ARF4: variants seen among roughly 807,000 people sequenced by gnomAD.
The protein encoded by ARF4 is ADP-ribosylation factor 4.
A neutral mutation model predicts 24.3 loss-of-function variants in ARF4; 5 were observed. The observed-to-expected ratio is 0.21, with a 90% CI of 0.11 to 0.43. ARF4 has a LOEUF of 0.43. Among genes scored for constraint, ARF4 ranks in the 20% least tolerant of loss-of-function variants. The pLI is 1.00. For missense variants in ARF4, 107 were observed against 213.0 expected (o/e 0.50, Z 3.10); for synonymous variants, 62 against 73.5 (o/e 0.84, Z 0.80).
In ARF4 at chr3:57,582,392, G is replaced by A. The variant is rs547873226; in HGVS notation, c.258+1506C>T. Among the ~76,000 whole-genome samples, 617 of 151,556 alleles carry A rather than the reference G, an allele frequency of 4.1e-3. 1 individual carries two copies. Among genetic ancestry groups the A allele is most frequent in the Middle Eastern group, 6.8e-3 (2 of 294 alleles). Reference sequence around the variant, plus strand: ...TGAGTAGCTGGGATCACAGGTGCGCGCCACCACGCCCGGCTAATTTTTGTA... The same window carrying A: ...TGAGTAGCTGGGATCACAGGTGCGCACCACCACGCCCGGCTAATTTTTGTA... On this transcript the variant is annotated intron_variant, in intron 3 of 5. Transcript: ENST00000303436.
intron 1 of ARF4, among the ~76,000 whole-genome samples, chr3:57,590,677 T>C (rs1035610004): frequency 2.0e-5 from 3 of 152,148 alleles, no homozygotes; most frequent in African/African-American, 7.2e-5. Flanking sequence ...TGTGTGTACA[T>C]ATATATACAT....
At chr3:57,576,188 T>C (rs900914404) in intron 4 of ARF4, among the ~76,000 whole-genome samples, 2 of 152,168 alleles carry the variant, frequency 1.3e-5, no homozygotes, top group South Asian at 2.1e-4. Flanking sequence ...TGATGCAATA[T>C]AGACGAACCC....
At chr3:57,572,390 C>G in intron 5 of ARF4, 92 bp from the exon 6 acceptor site, 1 of 948,490 alleles carries the variant, frequency 1.1e-6, no homozygotes, top group Non-Finnish European at 1.6e-6. Context: ...AGAGTCTTTT[C>G]ACACCTCTTG....
chr3:57,579,317 C>CT (rs1037351821), intron 3 of ARF4, among the ~76,000 whole-genome samples: 3 of 142,216 alleles, frequency 2.1e-5, no homozygotes, highest in Non-Finnish European at 3.1e-5. Flanking sequence ...TATACTATAT[C>CT]TTTTTTTTCA....
chr3:57,573,736 C>G (rs915986845), intron 5 of ARF4, among the ~76,000 whole-genome samples: 3 of 152,090 alleles, frequency 2.0e-5, no homozygotes, highest in Non-Finnish European at 2.9e-5. Flanking sequence ...CATGCACCAC[C>G]ACGACCAGCT....
At chr3:57,575,430 G>T (rs536459530) in intron 5 of ARF4, 118 bp downstream of exon 5, 36 of 974,664 alleles carry the variant, frequency 3.7e-5, no homozygotes, top group East Asian at 3.5e-4. Flanking sequence ...TTAAATAAAT[G>T]ATGTGCTCAT....
At chr3:57,579,761 T>A (rs1237712088) in intron 3 of ARF4, among the ~76,000 whole-genome samples, 1 of 152,148 alleles carries the variant, frequency 6.6e-6, no homozygotes, top group Non-Finnish European at 1.5e-5. Flanking sequence ...TAAATTTTAT[T>A]TTACACTGCA....
rs1050515410 is a variant in ARF4 at position 57,575,736 on chromosome 3, C to G, written c.331-63G>C. 24 of 1,501,470 alleles carry G rather than the reference C, an allele frequency of 1.6e-5. No individual in the cohort carries two copies. The East Asian group carries it at 5.6e-4, about 35-fold the overall frequency. The allele number at this position is 1,501,470 out of a possible 1,614,324, so 93.0% of individuals were successfully genotyped here. A position where few individuals can be genotyped will look rare whatever the true frequency, so the allele number is the denominator to read the frequency against. The stretch of plus-strand genomic sequence containing the variant: ...GGAATCCAATTTTTGAAAATGTCTT[C>G]CTATATATACTTTACTCAGCATTAA... On this transcript the variant is annotated intron_variant, in intron 4 of 5. Transcript: ENST00000303436.
chr3:57,579,341 G>A (rs552394546), intron 3 of ARF4, among the ~76,000 whole-genome samples: 15 of 150,882 alleles, frequency 9.9e-5, no homozygotes, highest in South Asian at 2.1e-4. Context: ...AGGCTGGAGT[G>A]CAGTGGTGCC....
intron 1 of ARF4, among the ~76,000 whole-genome samples, chr3:57,591,634 T>G (rs774958736): frequency 6.6e-6 from 1 of 152,216 alleles, no homozygotes; most frequent in Non-Finnish European, 1.5e-5. Context: ...ACCCGGCTAA[T>G]TTTTGTATTT....
Position 57,584,164 on chromosome 3 carries a change from T to G in ARF4, c.149-157A>C, listed in dbSNP as rs2070008641. 1.4e-5 allele frequency: 10 copies of G among 698,772 alleles called. No homozygotes were observed. The South Asian group carries it at 1.6e-4, about 11-fold the overall frequency. 43.3% of individuals were successfully genotyped at this position (698,772 alleles called of 1,614,324 possible). A position where few individuals can be genotyped will look rare whatever the true frequency, so the allele number is the denominator to read the frequency against. ...CATCAACAGAGACAAGGCCTCATTA[T>G]GTTATGCAGGCTGGTCTTGAACTCC... On this transcript the variant is annotated intron_variant, in intron 2 of 5. Coordinates refer to ENST00000303436, the MANE Select transcript of ARF4 (RefSeq NM_001660.4).
At chr3:57,584,276 C>T in intron 2 of ARF4, 108 bp downstream of exon 2, 1 of 1,111,116 alleles carries the variant, frequency 9.0e-7, no homozygotes, top group South Asian at 1.4e-5. Flanking sequence ...TTTAAAAGTA[C>T]TTCTAAGATA....
intron 1 of ARF4, chr3:57,596,661 A>G: frequency 5.4e-6 from 1 of 186,236 alleles, no homozygotes; most frequent in Non-Finnish European, 1.1e-5. Flanking sequence ...AGGGGAGGGA[A>G]AAGGCTGGAG....
At chr3:57,583,800 A>G in intron 3 of ARF4, 98 bp downstream of exon 3, 2 of 835,666 alleles carry the variant, frequency 2.4e-6, no homozygotes, top group Non-Finnish European at 3.9e-6. Context: ...GCCAACTCAT[A>G]GTAAACACCA....
chr3:57,575,532 A>G lies in ARF4; in HGVS notation c.456+16T>C, dbSNP rs371115651. On this transcript the variant is annotated intron_variant, in intron 5 of 5. Transcript: ENST00000303436. ...CTTAATAGTCAAGAGGTTAATATCA[A>G]CCTCCAAATACTTACTGTTCTGTTA... 4.6e-5 allele frequency: 73 copies of G among 1,602,654 alleles called. No homozygotes were observed. The African/African-American group carries it at 7.5e-4, about 17-fold the overall frequency.
chr3:57,596,293 G>T (rs186800453), intron 1 of ARF4, among the ~76,000 whole-genome samples: 1 of 152,088 alleles, frequency 6.6e-6, no homozygotes, highest in Non-Finnish European at 1.5e-5. Context: ...AAATTTATCA[G>T]GTATTTTTTA....
chr3:57,585,957 C>T (rs1276526622), intron 1 of ARF4, among the ~76,000 whole-genome samples: 2 of 151,896 alleles, frequency 1.3e-5, no homozygotes, highest in African/African-American at 4.8e-5. Context: ...CCACTGTGTC[C>T]GGCCTAAATT....
chr3:57,583,867 A>G (rs750687844), intron 3 of ARF4, 31 bp downstream of exon 3: 5 of 1,455,714 alleles, frequency 3.4e-6, no homozygotes, highest in Non-Finnish European at 2.9e-6. Context: ...ACCCACAAAG[A>G]AAAGTTATAA....
At chr3:57,580,085 A>G (rs941335628) in intron 3 of ARF4, among the ~76,000 whole-genome samples, 3 of 152,176 alleles carry the variant, frequency 2.0e-5, no homozygotes, top group African/African-American at 7.2e-5. Flanking sequence ...AGCCTGGGTA[A>G]CAGAGTGAGA....
Sources: allele counts gnomAD v4.1 joint callset (sites outside exome capture counted in the v4.1 genomes callset), GRCh38; gene constraint gnomAD v4.1.1; transcripts MANE v1.5; gene names NCBI Gene and HGNC (gene_info 2026-07-23, HGNC 2026-07-21).